NTRK2: variants seen among roughly 807,000 people sequenced by gnomAD.
NTRK2 encodes neurotrophic receptor tyrosine kinase 2.
In NTRK2, 13 loss-of-function variants were observed where a neutral mutation model predicts 94.5. The ratio of observed to expected loss-of-function variants is 0.14; its 90% CI spans 0.09 to 0.22. The LOEUF is 0.22. Among genes scored for constraint, NTRK2 ranks in the 10% least tolerant of loss-of-function variants. The pLI is 1.00. For synonymous variants in NTRK2, 372 were observed against 407.4 expected (o/e 0.91, Z 1.05); for missense variants, 639 against 1,071.2 (o/e 0.60, Z 5.63).
At chr9:84,877,934 T>C in intron 14 of NTRK2, 1 of 1,013,926 alleles carries the variant, frequency 9.9e-7, no homozygotes, top group Non-Finnish European at 1.2e-6. Context: ...CACCTGCTAA[T>C]ACTTTTTCTT....
At chr9:84,960,540 T>C (rs1190295067) in intron 17 of NTRK2, among the ~76,000 whole-genome samples, 1 of 152,212 alleles carries the variant, frequency 6.6e-6, no homozygotes, top group African/African-American at 2.4e-5. Flanking sequence ...GATGGATGGA[T>C]AGATTGATTG....
chr9:85,002,009 T>C (rs1454731240), intron 17 of NTRK2, among the ~76,000 whole-genome samples: 1 of 152,194 alleles, frequency 6.6e-6, no homozygotes, highest in Non-Finnish European at 1.5e-5. Context: ...GTTAATGACC[T>C]AATGGCCATT....
intron 4 of NTRK2, among the ~76,000 whole-genome samples, chr9:84,703,894 G>C (rs936119487): frequency 3.9e-5 from 6 of 152,200 alleles, no homozygotes; most frequent in African/African-American, 1.4e-4. Flanking sequence ...GCATAAACAA[G>C]AGAGAAGTTG....
At chr9:84,818,900 C>T (rs1335935960) in intron 12 of NTRK2, among the ~76,000 whole-genome samples, 1 of 152,228 alleles carries the variant, frequency 6.6e-6, no homozygotes, top group East Asian at 1.9e-4. Flanking sequence ...CGAACACCCA[C>T]AGGCAGAGCA....
At position 85,021,727 on chromosome 9, in the gene NTRK2, C is replaced by T; in HGVS notation, c.*290C>T. The T allele has an allele frequency of 2.2e-6, 1 of 462,654 alleles. No individual in the cohort carries two copies. The highest frequency in any genetic ancestry group is 3.9e-6 in the Non-Finnish European group (1 of 254,502). 28.7% of individuals were successfully genotyped at this position (462,654 alleles called of 1,614,324 possible). On this transcript the variant is annotated 3_prime_UTR_variant, in exon 19 of 19. Coordinates refer to ENST00000277120, the MANE Select transcript of NTRK2 (RefSeq NM_006180.6). ...CTTTTTTTTTTCGTCTTCCCTGCTT[C>T]ACGATTCTTACCCTTTCTTTTGAAT...
chr9:84,922,900 A>AT (rs1487210195), intron 14 of NTRK2, among the ~76,000 whole-genome samples: 1 of 152,254 alleles, frequency 6.6e-6, no homozygotes, highest in Non-Finnish European at 1.5e-5. Flanking sequence ...GAAAACAGAT[A>AT]TTAACACTAC....
rs2060781592 is a variant in NTRK2 at position 84,702,294 on chromosome 9, A to G, written c.288-54A>G. On this transcript the variant is annotated intron_variant, in intron 3 of 18. Coordinates refer to ENST00000277120, the MANE Select transcript of NTRK2 (RefSeq NM_006180.6). Reference sequence around the variant, plus strand: ...AATTTTCCTGTTGTCTGCTCTGGTCAGGCAGGCATTCACTGGTTCGTTCTA... The same window carrying G: ...AATTTTCCTGTTGTCTGCTCTGGTCGGGCAGGCATTCACTGGTTCGTTCTA... 11 of 1,608,146 alleles carry G rather than the reference A, an allele frequency of 6.8e-6. 1 individual carries two copies. The Middle Eastern group carries it at 1.5e-3, about 218-fold the overall frequency.
At chr9:84,849,949 G>A (rs887938919) in intron 12 of NTRK2, among the ~76,000 whole-genome samples, 4 of 152,118 alleles carry the variant, frequency 2.6e-5, no homozygotes, top group African/African-American at 2.4e-5. Context: ...AAGAGAGTAC[G>A]GAGTTGAATA....
chr9:84,766,770 A>G (rs1173617975), intron 12 of NTRK2, among the ~76,000 whole-genome samples: 1 of 152,042 alleles, frequency 6.6e-6, no homozygotes. Flanking sequence ...ACATACATTC[A>G]ACACACAGAT....
At chr9:84,677,479 A>G (rs557140457) in intron 2 of NTRK2, among the ~76,000 whole-genome samples, 1 of 152,138 alleles carries the variant, frequency 6.6e-6, no homozygotes, top group Non-Finnish European at 1.5e-5. Context: ...TTGCATGAAG[A>G]TTTGCTCCCA....
chr9:84,947,371 A>G (rs2078634298), intron 15 of NTRK2, among the ~76,000 whole-genome samples: 1 of 152,224 alleles, frequency 6.6e-6, no homozygotes, highest in Non-Finnish European at 1.5e-5. Flanking sequence ...TGCATTTGCC[A>G]CATCAGGCAA....
Position 85,026,728 on chromosome 9 carries a change from A to G in NTRK2, c.*5291A>G. On this transcript the variant is annotated 3_prime_UTR_variant, in exon 19 of 19. Coordinates refer to ENST00000277120, the MANE Select transcript of NTRK2 (RefSeq NM_006180.6). ...AGGCCGTATACACACACATTTCCAT[A>G]TCTCTCTACAGATATATTTCCCCTT... is the stretch of plus-strand genomic sequence containing the variant. 1 of 232,986 alleles carries G rather than the reference A, an allele frequency of 4.3e-6. No homozygotes were observed. The highest frequency in any genetic ancestry group is 2.2e-5 in the African/African-American group (1 of 45,454). 14.4% of individuals were successfully genotyped at this position (232,986 alleles called of 1,614,324 possible).
intron 17 of NTRK2, among the ~76,000 whole-genome samples, chr9:85,011,853 G>A (rs372099646): frequency 6.6e-6 from 1 of 152,090 alleles, no homozygotes; most frequent in South Asian, 2.1e-4. Context: ...TCCTAGCTGT[G>A]TGCGCTTGGG....
At chr9:84,713,707 A>G (rs951045724) in intron 6 of NTRK2, among the ~76,000 whole-genome samples, 1 of 152,184 alleles carries the variant, frequency 6.6e-6, no homozygotes, top group African/African-American at 2.4e-5. Flanking sequence ...AGAACTTTGA[A>G]GATATTGCAC....
chr9:84,703,110 A>G (rs2060833171), intron 4 of NTRK2, among the ~76,000 whole-genome samples: 1 of 152,226 alleles, frequency 6.6e-6, no homozygotes, highest in Admixed American at 6.5e-5. Flanking sequence ...TCTTCATTAA[A>G]CTAAAGATCA....
chr9:84,769,086 G>T (rs922172618), intron 12 of NTRK2, among the ~76,000 whole-genome samples: 1 of 152,282 alleles, frequency 6.6e-6, no homozygotes. Flanking sequence ...CCAAGCAGAG[G>T]TTGGTCAAGG....
chr9:84,689,314 G>A (rs974885949), intron 2 of NTRK2, among the ~76,000 whole-genome samples: 1 of 152,186 alleles, frequency 6.6e-6, no homozygotes, highest in African/African-American at 2.4e-5. Context: ...TACTCTCATC[G>A]TGTAGGACCT....
chr9:84,757,347 T>C (rs1419031350), intron 12 of NTRK2, among the ~76,000 whole-genome samples: 1 of 152,236 alleles, frequency 6.6e-6, no homozygotes, highest in Non-Finnish European at 1.5e-5. Context: ...ATATAGTATG[T>C]AAACAATCAA....
At chr9:84,759,651 G>A (rs775721591) in intron 12 of NTRK2, among the ~76,000 whole-genome samples, 9 of 152,182 alleles carry the variant, frequency 5.9e-5, no homozygotes, top group Non-Finnish European at 7.3e-5. Context: ...AACCTTGGGG[G>A]GAATTTGCTT....
Sources: allele counts gnomAD v4.1 joint callset (sites outside exome capture counted in the v4.1 genomes callset), GRCh38; gene constraint gnomAD v4.1.1; transcripts MANE v1.5; gene names NCBI Gene and HGNC (gene_info 2026-07-23, HGNC 2026-07-21).